Variants in CBFA2T3 observed in about 807,000 individuals in gnomAD.
CBFA2T3 encodes transcriptional corepressor CBFA2T3.
Under a neutral mutation model 58.6 loss-of-function variants are expected in CBFA2T3, and 31 were observed. That is an observed-to-expected ratio of 0.53 (90% CI 0.40 to 0.71). CBFA2T3 has a LOEUF of 0.71. CBFA2T3 is among the 30% of genes least tolerant of loss of function. CBFA2T3 has a pLI of 0.00. For synonymous variants in CBFA2T3, 531 were observed against 421.9 expected (o/e 1.26, Z -3.17); for missense variants, 1,076 against 963.1 (o/e 1.12, Z -1.55).
At chr16:88,974,415 C>T (rs538446298) in intron 1 of CBFA2T3, among the ~76,000 whole-genome samples, 55 of 152,036 alleles carry the variant, frequency 3.6e-4, no homozygotes, top group Non-Finnish European at 7.4e-4. Context: ...CAGACGGCGG[C>T]GTGTGCTCTG....
chr16:88,944,162 C>G (rs373991951), intron 1 of CBFA2T3, among the ~76,000 whole-genome samples: 1 of 151,906 alleles, frequency 6.6e-6, no homozygotes, highest in African/African-American at 2.4e-5. Context: ...ACAGTGAAAC[C>G]CTGTCTCTAC....
chr16:88,930,368 C>A lies in CBFA2T3; in HGVS notation c.152-28712G>T, dbSNP rs1044736129. On this transcript the variant is annotated intron_variant, in intron 1 of 11. Coordinates refer to ENST00000268679, the MANE Select transcript of CBFA2T3 (RefSeq NM_005187.6). ...TCGTCCACGCAAAAGCTACCCATGC[C>A]CACAGCTGCATCGTCCACGCAAAAG... 8.6e-5 allele frequency among the ~76,000 whole-genome samples: 13 copies of A among 151,984 alleles called. 2 individuals are homozygous for A. The highest frequency in any genetic ancestry group is 3.2e-4 in the African/African-American group (13 of 41,230).
chr16:88,934,779 G>A (rs138575602), intron 1 of CBFA2T3, among the ~76,000 whole-genome samples: 1,720 of 152,288 alleles, frequency 0.011, 33 homozygotes, highest in African/African-American at 0.037. Context: ...TCGCTCTGTC[G>A]CCCAGGCTGG....
chr16:88,935,060 G>A (rs1971453143), intron 1 of CBFA2T3, among the ~76,000 whole-genome samples: 1 of 152,244 alleles, frequency 6.6e-6, no homozygotes, highest in East Asian at 1.9e-4. Flanking sequence ...ATTCTTTAAG[G>A]GAGCTGAAGG....
At chr16:88,928,195 G>A (rs1971148970) in intron 1 of CBFA2T3, among the ~76,000 whole-genome samples, 1 of 152,248 alleles carries the variant, frequency 6.6e-6, no homozygotes, top group African/African-American at 2.4e-5. Context: ...ACGCCTCTGA[G>A]TTTGGGGTGG....
chr16:88,882,189 G>C (rs1255920614), intron 8 of CBFA2T3, among the ~76,000 whole-genome samples: 1 of 152,244 alleles, frequency 6.6e-6, no homozygotes, highest in Non-Finnish European at 1.5e-5. Flanking sequence ...GGCCACACAG[G>C]AGGGCACTGA....
rs749601130 is a variant in CBFA2T3, at chr16:88,891,979, G to A, written c.622-8C>T. The A allele has an allele frequency of 1.2e-6, 2 of 1,609,708 alleles. No individual in the cohort carries two copies. The highest frequency in any genetic ancestry group is 1.7e-5 in the Admixed American group (1 of 59,940). On this transcript the variant is annotated splice_region_variant and splice_polypyrimidine_tract_variant and intron_variant, in intron 4 of 11. Transcript: ENST00000268679. ...GATCGTCAATGTCGAGTTCTGCAGG[G>A]GAGAAAACCCACCTCACATCAGCAC...
At chr16:88,975,364 G>A (rs539099352) in intron 1 of CBFA2T3, among the ~76,000 whole-genome samples, 1 of 152,090 alleles carries the variant, frequency 6.6e-6, no homozygotes, top group Non-Finnish European at 1.5e-5. Context: ...CACAGTAGAC[G>A]CCCCCATCCT....
At chr16:88,926,584 G>C (rs1358644627) in intron 1 of CBFA2T3, among the ~76,000 whole-genome samples, 1 of 152,208 alleles carries the variant, frequency 6.6e-6, no homozygotes, top group Non-Finnish European at 1.5e-5. Flanking sequence ...GTCAGCCAAC[G>C]AGCTTTGTGT....
At chr16:88,926,051 G>A (rs77988544) in intron 1 of CBFA2T3, among the ~76,000 whole-genome samples, 18 of 152,202 alleles carry the variant, frequency 1.2e-4, no homozygotes, top group Admixed American at 1.2e-3. Flanking sequence ...GGAGGCCCCC[G>A]TGAATTGTGC....
intron 1 of CBFA2T3, among the ~76,000 whole-genome samples, chr16:88,904,276 T>C (rs79068777): frequency 0.052 from 7,836 of 152,064 alleles, 319 homozygotes; most frequent in African/African-American, 0.11. Flanking sequence ...TGCAGGAAGA[T>C]CCTTCTCGGT....
At chr16:88,957,379 C>T (rs566615801) in intron 1 of CBFA2T3, among the ~76,000 whole-genome samples, 5 of 152,238 alleles carry the variant, frequency 3.3e-5, no homozygotes, top group African/African-American at 7.2e-5. Context: ...GAGCACTCTC[C>T]GTGGGGCTGT....
chr16:88,975,185 T>TGCTCCTCACCTCC (rs1482557315), intron 1 of CBFA2T3, among the ~76,000 whole-genome samples: 1 of 68,600 alleles, frequency 1.5e-5, no homozygotes, highest in Non-Finnish European at 3.7e-5. Flanking sequence ...TCCACATCTT[T>TGCTCCTCACCTCC]AGCCATGTCA....
chr16:88,880,545 C>A (rs1287535199), intron 10 of CBFA2T3, among the ~76,000 whole-genome samples, 175 bp downstream of exon 10: 1 of 152,230 alleles, frequency 6.6e-6, no homozygotes, highest in African/African-American at 2.4e-5. Flanking sequence ...CTGTCCTGCC[C>A]TAAGTGTGAA....
intron 1 of CBFA2T3, chr16:88,938,589 CACAG>C (rs1971591422): frequency 6.6e-6 from 1 of 152,426 alleles, no homozygotes; most frequent in Admixed American, 6.5e-5. Context: ...AGACACAGGC[CACAG>C]GCAGGCAGTG....
chr16:88,885,935 C>G lies in CBFA2T3; in HGVS notation c.893+26G>C. On this transcript the variant is annotated intron_variant, in intron 6 of 11. Transcript: ENST00000268679. The surrounding 1 kb of genome is among the most constrained non-coding windows in gnomAD (Gnocchi z 5.3). Reference sequence around the variant, plus strand: ...AGCCGCGTGTCCACGGCACCCCCAGCCCAGATCCCCGGAGCCCACAGGTAC... The same window carrying G: ...AGCCGCGTGTCCACGGCACCCCCAGGCCAGATCCCCGGAGCCCACAGGTAC... The G allele has an allele frequency of 6.5e-7, 1 of 1,543,696 alleles. No homozygotes were observed. The highest frequency in any genetic ancestry group is 8.7e-7 in the Non-Finnish European group (1 of 1,144,220).
intron 1 of CBFA2T3, among the ~76,000 whole-genome samples, chr16:88,959,102 C>G (rs1024645842): frequency 1.3e-5 from 2 of 152,224 alleles, no homozygotes; most frequent in East Asian, 3.8e-4. Context: ...GTCCCAGCAG[C>G]TGGAGGGGCA....
At chr16:88,969,594 G>A (rs879758206) in intron 1 of CBFA2T3, among the ~76,000 whole-genome samples, 19 of 152,228 alleles carry the variant, frequency 1.2e-4, no homozygotes, top group Non-Finnish European at 2.1e-4. Flanking sequence ...CACCATGGTC[G>A]GGTCCAGCCA....
At position 88,977,120 on chromosome 16, in the gene CBFA2T3, G is replaced by A. The variant is rs188104486; in HGVS notation, c.-313C>T. The A allele has an allele frequency of 9.0e-6, 3 of 332,088 alleles. No individual in the cohort carries two copies. Among genetic ancestry groups the A allele is most frequent in the South Asian group, 1.7e-4 (2 of 11,744 alleles). 20.6% of individuals were successfully genotyped at this position (332,088 alleles called of 1,614,324 possible). ...GTGTCCCCGTGATAATGCCGGGGCC[G>A]GAGGCCTGCAGCTGCGCCCGCCACT... On this transcript the variant is annotated 5_prime_UTR_variant, in exon 1 of 12. Transcript: ENST00000268679.
Sources: allele counts gnomAD v4.1 joint callset (sites outside exome capture counted in the v4.1 genomes callset), GRCh38; gene constraint gnomAD v4.1.1; non-coding constraint Gnocchi (gnomAD v3.1); transcripts MANE v1.5; gene names NCBI Gene and HGNC (gene_info 2026-07-23, HGNC 2026-07-21).